Variants in GPHN observed in about 807,000 individuals in gnomAD.
GPHN encodes the protein gephyrin.
In GPHN, 17 loss-of-function variants were observed where a neutral mutation model predicts 95.5. That is an observed-to-expected ratio of 0.18 (90% CI 0.12 to 0.27). The LOEUF is 0.27. GPHN is among the 10% of genes least tolerant of loss of function. The pLI is 1.00. For missense variants in GPHN, 660 were observed against 978.1 expected, an observed-to-expected ratio of 0.67 and a Z score of 4.34; for synonymous variants, 320 against 322.5, an observed-to-expected ratio of 0.99 and a Z score of 0.08.
chr14:66,628,729 A>G (rs528523750), intron 1 of GPHN, among the ~76,000 whole-genome samples: 15 of 152,142 alleles, frequency 9.9e-5, no homozygotes, highest in Non-Finnish European at 1.9e-4. Context: ...CTCTTTTGTA[A>G]TAATGCTTAG....
At chr14:67,108,908 AG>A (rs1450893099) in intron 13 of GPHN, among the ~76,000 whole-genome samples, 1 of 152,168 alleles carries the variant, frequency 6.6e-6, no homozygotes, top group African/African-American at 2.4e-5. Context: ...GATTTTAAAT[AG>A]AGTCATGAGT....
chr14:67,659,142 G>A, the GPHN span, among the ~76,000 whole-genome samples: 2 of 152,194 alleles, frequency 1.3e-5, no homozygotes, highest in African/African-American at 4.8e-5. Context: ...TCAGAATCCT[G>A]AAAGCTAGAG....
intron 2 of GPHN, among the ~76,000 whole-genome samples, chr14:66,772,851 A>T (rs1375774704): frequency 6.6e-6 from 1 of 152,238 alleles, no homozygotes; most frequent in East Asian, 1.9e-4. Context: ...TTGGTCTTTA[A>T]AACCGTCCCC....
Position 66,578,709 on chromosome 14 carries a change from A to C in GPHN, c.64+70118A>C, listed in dbSNP as rs1396818551. Among the ~76,000 whole-genome samples, 129 of 151,450 alleles carry C rather than the reference A, an allele frequency of 8.5e-4. 1 individual carries two copies. Among genetic ancestry groups the C allele is most frequent in the Non-Finnish European group, 1.6e-3 (108 of 67,694 alleles). On this transcript the variant is annotated intron_variant, in intron 1 of 22. Coordinates refer to ENST00000478722, the MANE Select transcript of GPHN (RefSeq NM_020806.5). ...ATTTCTTGCTCAAAGAAAGAAAAAA[A>C]AAAACACCAGGAACCATAAAGTTGT... is the stretch of plus-strand genomic sequence containing the variant.
intron 4 of GPHN, among the ~76,000 whole-genome samples, chr14:66,870,483 G>A (rs914029721): frequency 1.3e-5 from 2 of 152,074 alleles, no homozygotes; most frequent in African/African-American, 2.4e-5. Context: ...CTGTATTTTC[G>A]ATCCTCAGTT....
intron 1 of GPHN, among the ~76,000 whole-genome samples, chr14:66,530,184 G>A (rs974591479): frequency 1.3e-5 from 2 of 152,112 alleles, no homozygotes; most frequent in East Asian, 1.9e-4. Flanking sequence ...TGGCTACAGC[G>A]GCTTGGCTGA....
chr14:66,887,008 A>G (rs2064231054), intron 5 of GPHN, among the ~76,000 whole-genome samples: 1 of 152,184 alleles, frequency 6.6e-6, no homozygotes, highest in Non-Finnish European at 1.5e-5. Context: ...CCTTCGGAAC[A>G]ACCAGGTTCT....
At chr14:66,580,532 T>C (rs1321617024) in intron 1 of GPHN, among the ~76,000 whole-genome samples, 4 of 151,660 alleles carry the variant, frequency 2.6e-5, no homozygotes, top group African/African-American at 4.8e-5. Context: ...CACTGGAATA[T>C]GAAGGATCAT....
the GPHN span, among the ~76,000 whole-genome samples, chr14:67,193,536 G>T: frequency 7.1e-6 from 1 of 140,450 alleles, no homozygotes; most frequent in Non-Finnish European, 1.5e-5. Context: ...TAGATCTATA[G>T]AAATATATAT....
the GPHN span, among the ~76,000 whole-genome samples, chr14:67,508,767 A>AAAAAAAAAAAAAAAAAAAAC: frequency 6.6e-6 from 1 of 150,992 alleles, no homozygotes; most frequent in Non-Finnish European, 1.5e-5. Flanking sequence ...AAAAAAAAAA[A>AAAAAAAAAAAAAAAAAAAAC]AAAACAGAAG....
At chr14:67,416,534 A>C in the GPHN span, among the ~76,000 whole-genome samples, 1 of 152,252 alleles carries the variant, frequency 6.6e-6, no homozygotes, top group South Asian at 2.1e-4. Flanking sequence ...AGGCAGGAAA[A>C]GACTAAAGAG....
chr14:67,222,333 C>T, the GPHN span, among the ~76,000 whole-genome samples: 18 of 152,284 alleles, frequency 1.2e-4, no homozygotes, highest in Middle Eastern at 3.4e-3. Flanking sequence ...CTCTGTTGCC[C>T]AGGCTGATGT....
intron 9 of GPHN, among the ~76,000 whole-genome samples, chr14:67,003,471 T>A (rs2072383587): frequency 6.6e-6 from 1 of 151,702 alleles, no homozygotes. Context: ...TCCAGCCTAC[T>A]TCAAGGCATT....
chr14:67,396,126 CTTTG>C, the GPHN span, among the ~76,000 whole-genome samples: 2 of 151,932 alleles, frequency 1.3e-5, no homozygotes, highest in African/African-American at 2.4e-5. Context: ...ATCCAGGTCG[CTTTG>C]TTTTTTTGTT....
chr14:66,901,372 CTT>C (rs2153548078), intron 5 of GPHN, among the ~76,000 whole-genome samples: 1 of 152,060 alleles, frequency 6.6e-6, no homozygotes, highest in South Asian at 2.1e-4. Context: ...TGTGCAGAAG[CTT>C]TTTAGTTTTG....
At chr14:67,396,133 T>TTTTTG in the GPHN span, among the ~76,000 whole-genome samples, 1 of 151,806 alleles carries the variant, frequency 6.6e-6, no homozygotes, top group Admixed American at 6.6e-5. Context: ...TCGCTTTGTT[T>TTTTTG]TTTTGTTTTG....
chr14:67,414,261 C>T, the GPHN span, among the ~76,000 whole-genome samples: 3 of 152,200 alleles, frequency 2.0e-5, no homozygotes, highest in African/African-American at 7.2e-5. Flanking sequence ...TTAAGGCACA[C>T]CTAGAACCTG....
chr14:67,370,467 T>G, the GPHN span, among the ~76,000 whole-genome samples: 1 of 152,156 alleles, frequency 6.6e-6, no homozygotes, highest in Non-Finnish European at 1.5e-5. Flanking sequence ...GATAAACCCC[T>G]AGTTAGGCTG....
chr14:66,562,594 G>C (rs150243240), intron 1 of GPHN, among the ~76,000 whole-genome samples: 1 of 152,232 alleles, frequency 6.6e-6, no homozygotes, highest in South Asian at 2.1e-4. Flanking sequence ...TTGGGCTTAC[G>C]TATCCTTTTA....
Sources: allele counts gnomAD v4.1 joint callset (sites outside exome capture counted in the v4.1 genomes callset), GRCh38; gene constraint gnomAD v4.1.1; transcripts MANE v1.5; gene names NCBI Gene and HGNC (gene_info 2026-07-23, HGNC 2026-07-21).